The following MGAT4A variants were observed in gnomAD, a reference collection of about 807,000 sequenced individuals.
MGAT4A encodes N-acetylglucosaminyltransferase IVa.
In MGAT4A, 33 loss-of-function variants were observed where a neutral mutation model predicts 74.1. The observed-to-expected ratio is 0.45, with a 90% CI of 0.34 to 0.60. MGAT4A has a LOEUF of 0.60. MGAT4A is among the 20% of genes least tolerant of loss of function. The probability of loss-of-function intolerance (pLI) is 0.02; values close to 1 mark genes in which losing one functional copy is unlikely to be tolerated. For synonymous variants in MGAT4A, 198 were observed against 210.4 expected (o/e 0.94, Z 0.51); for missense variants, 479 against 628.3 (o/e 0.76, Z 2.54).
chr2:98,731,113 C>CG lies in MGAT4A; in HGVS notation c.-302_-301insC, dbSNP rs1279956181. On this transcript the variant is annotated 5_prime_UTR_variant, in exon 1 of 16. Transcript: ENST00000393487. The surrounding 1 kb of genome is among the most constrained non-coding windows in gnomAD (Gnocchi z 4.8). ...GCTGCTGTAGCCGCCGCCGCCGCTG[C>CG]CGCCGCCGCTGCGGGCCGCCCCGCC... 2.1e-5 allele frequency: 3 copies of CG among 139,564 alleles called. No homozygotes were observed. The highest frequency in any genetic ancestry group is 8.0e-5 in the African/African-American group (3 of 37,486). The allele number at this position is 139,564 out of a possible 1,614,324, so 8.6% of individuals were successfully genotyped here.
chr2:98,634,901 T>A (rs1701295166), intron 14 of MGAT4A, among the ~76,000 whole-genome samples: 1 of 151,858 alleles, frequency 6.6e-6, no homozygotes, highest in African/African-American at 2.4e-5. Context: ...GAAGCACAGA[T>A]TCTGGCCTGT....
At chr2:98,662,920 A>ATCTTTATTCTCATCACATTTT (rs1340652428) in intron 5 of MGAT4A, 126 bp downstream of exon 5, 4 of 648,942 alleles carry the variant, frequency 6.2e-6, no homozygotes, top group Non-Finnish European at 9.6e-6. Context: ...GATAGAATAT[A>ATCTTTATTCTCATCACATTTT]TTACCTAAGC....
chr2:98,634,574 C>T (rs76759222), intron 14 of MGAT4A, among the ~76,000 whole-genome samples: 1,553 of 151,684 alleles, frequency 0.01, 11 homozygotes, highest in South Asian at 0.02. Context: ...AAAGCCACAG[C>T]GAGATGCAGT....
chr2:98,623,888 C>T lies in MGAT4A; in HGVS notation c.*1678G>A. On this transcript the variant is annotated 3_prime_UTR_variant, in exon 16 of 16. Transcript: ENST00000393487. ...GCTGGAACCTTGCCCCAGCGCTAGG[C>T]CCCAGCCAGTGGTCACTCTGAAAGC... 1.0e-6 allele frequency: 1 copy of T among 985,482 alleles called. No homozygotes were observed. The highest frequency in any genetic ancestry group is 1.2e-6 in the Non-Finnish European group (1 of 829,966). The allele number at this position is 985,482 out of a possible 1,614,324, so 61.0% of individuals were successfully genotyped here.
chr2:98,635,419 TC>T (rs1447334305), intron 13 of MGAT4A, 131 bp from the exon 14 acceptor site: 2 of 619,436 alleles, frequency 3.2e-6, no homozygotes, highest in East Asian at 5.7e-5. Flanking sequence ...ATCATCTCAG[TC>T]TTGAACTTTA....
At chr2:98,701,864 T>C (rs770113953) in intron 2 of MGAT4A, among the ~76,000 whole-genome samples, 4 of 152,210 alleles carry the variant, frequency 2.6e-5, no homozygotes, top group Admixed American at 6.5e-5. Context: ...TGATGTTGTA[T>C]GTGTATATTT....
chr2:98,679,222 C>T (rs1575265300), intron 2 of MGAT4A, among the ~76,000 whole-genome samples: 2 of 151,864 alleles, frequency 1.3e-5, no homozygotes, highest in Admixed American at 6.6e-5. Flanking sequence ...CTGGCTAACA[C>T]GGTGAAACCC....
Position 98,624,362 on chromosome 2 carries a change from G to T in MGAT4A, c.*1204C>A. On this transcript the variant is annotated 3_prime_UTR_variant, in exon 16 of 16. Coordinates refer to ENST00000393487, the MANE Select transcript of MGAT4A (RefSeq NM_012214.3). ...TTTTATAAAGATCACTGATTGCTGA[G>T]ACCGGTAATATTCTTTGTTTATAGT... 1.0e-6 allele frequency: 1 copy of T among 967,050 alleles called. No homozygotes were observed. Among genetic ancestry groups the T allele is most frequent in the Non-Finnish European group, 1.2e-6 (1 of 813,314 alleles). 59.9% of individuals were successfully genotyped at this position (967,050 alleles called of 1,614,324 possible).
At chr2:98,637,079 G>A (rs554307016) in intron 12 of MGAT4A, among the ~76,000 whole-genome samples, 2 of 152,290 alleles carry the variant, frequency 1.3e-5, no homozygotes, top group South Asian at 4.1e-4. Flanking sequence ...GGAGGCCGAG[G>A]TAGGAGGATC....
intron 2 of MGAT4A, among the ~76,000 whole-genome samples, chr2:98,711,588 T>C (rs1381558505): frequency 3.9e-5 from 6 of 152,182 alleles, no homozygotes; most frequent in East Asian, 1.9e-4. Context: ...TGCTTGTTTT[T>C]ATATTGATTG....
In MGAT4A at chr2:98,622,394, G is replaced by A. The variant is rs115560039; in HGVS notation, c.*3172C>T. The A allele has an allele frequency of 1.3e-3, 1,247 of 985,100 alleles. 11 individuals are homozygous for A. In the African/African-American group the frequency reaches 0.019, roughly 15 times the overall value. The allele number at this position is 985,100 out of a possible 1,614,324, so 61.0% of individuals were successfully genotyped here. A position where few individuals can be genotyped will look rare whatever the true frequency, so the allele number is the denominator to read the frequency against. On this transcript the variant is annotated 3_prime_UTR_variant, in exon 16 of 16. Coordinates refer to ENST00000393487, the MANE Select transcript of MGAT4A (RefSeq NM_012214.3). ...TGATGGCAGAACCGGGTAAAAAAAT[G>A]TTTTTATTTAAACAGCCCCCATGTG...
At chr2:98,720,338 C>T (rs1351274856) in intron 2 of MGAT4A, among the ~76,000 whole-genome samples, 1 of 152,182 alleles carries the variant, frequency 6.6e-6, no homozygotes, top group African/African-American at 2.4e-5. Context: ...CTACTAAGAG[C>T]CTGAGTAGAT....
intron 14 of MGAT4A, among the ~76,000 whole-genome samples, chr2:98,632,461 TAAAC>T (rs890324247): frequency 6.6e-6 from 1 of 152,260 alleles, no homozygotes; most frequent in Non-Finnish European, 1.5e-5. Flanking sequence ...TTCTCCCTGT[TAAAC>T]TTTCCACTGG....
intron 1 of MGAT4A, among the ~76,000 whole-genome samples, chr2:98,729,167 G>GAAA (rs71978870): frequency 1.1e-4 from 16 of 144,730 alleles, no homozygotes; most frequent in African/African-American, 3.5e-4. Context: ...CCTAATATAT[G>GAAA]AAAAAAAAAA....
At chr2:98,657,905 T>C (rs1440521614) in intron 6 of MGAT4A, among the ~76,000 whole-genome samples, 2 of 152,158 alleles carry the variant, frequency 1.3e-5, no homozygotes, top group African/African-American at 4.8e-5. Flanking sequence ...GTAAATACAG[T>C]GTGAAAGATT....
At chr2:98,640,301 G>T in intron 10 of MGAT4A, 73 bp from the exon 11 acceptor site, 1 of 1,237,634 alleles carries the variant, frequency 8.1e-7, no homozygotes, top group Non-Finnish European at 1.2e-6. Context: ...AAAATGAGAA[G>T]TCCTTTATTA....
intron 2 of MGAT4A, among the ~76,000 whole-genome samples, chr2:98,720,325 A>G (rs1306948822): frequency 6.6e-6 from 1 of 152,248 alleles, no homozygotes; most frequent in Non-Finnish European, 1.5e-5. Context: ...GGTATCGTCC[A>G]ATCTACTAAG....
At chr2:98,632,939 T>C (rs1701263340) in intron 14 of MGAT4A, among the ~76,000 whole-genome samples, 1 of 152,222 alleles carries the variant, frequency 6.6e-6, no homozygotes, top group African/African-American at 2.4e-5. Flanking sequence ...TTTGTATTTT[T>C]ACTAGAGATA....
chr2:98,699,145 T>C (rs4851148), intron 2 of MGAT4A, among the ~76,000 whole-genome samples: 1,724 of 152,282 alleles, frequency 0.011, 17 homozygotes, highest in Middle Eastern at 0.031. Flanking sequence ...CTTCCCACAG[T>C]AGCGAGTGCT....
Sources: gnomAD v4.1 joint callset for allele counts (sites outside exome capture counted in the v4.1 genomes callset) on GRCh38, gnomAD v4.1.1 for gene constraint, Gnocchi (gnomAD v3.1) non-coding constraint, MANE v1.5 for transcripts, NCBI Gene and HGNC (gene_info 2026-07-23, HGNC 2026-07-21) for gene names.